Variants in NDE1 observed in about 807,000 individuals in gnomAD.
The protein encoded by NDE1 is nudE neurodevelopment protein 1, also known as nuclear distribution protein nudE homolog 1.
A neutral mutation model predicts 43.4 loss-of-function variants in NDE1; 28 were observed. That is an observed-to-expected ratio of 0.65 (90% confidence interval 0.48 to 0.89). NDE1 has a LOEUF of 0.89. Among genes scored for constraint, NDE1 ranks in the 40% least tolerant of loss-of-function variants. NDE1 has a pLI of 0.00. For synonymous variants in NDE1, 184 were observed against 172.0 expected (o/e 1.07, Z -0.55); for missense variants, 441 against 434.1 (o/e 1.02, Z -0.14).
At chr16:15,715,303 A>G (rs373383930) in intron 8 of NDE1, 14 of 1,611,176 alleles carry the variant, frequency 8.7e-6, no homozygotes, top group East Asian at 2.2e-5. Context: ...AGGTGGTTTC[A>G]GCGGAGGGTG....
chr16:15,682,201 TTATG>T (rs2038217622), intron 4 of NDE1, among the ~76,000 whole-genome samples: 1 of 152,162 alleles, frequency 6.6e-6, no homozygotes, highest in African/African-American at 2.4e-5. Context: ...TTTTATGTAT[TTATG>T]TTTTGAGACA....
At chr16:15,708,743 T>TG in intron 8 of NDE1, 1 of 1,556,904 alleles carries the variant, frequency 6.4e-7, no homozygotes, top group Admixed American at 1.9e-5. Context: ...AGGGGCGCAT[T>TG]GGGCAGAAAA....
intron 5 of NDE1, among the ~76,000 whole-genome samples, chr16:15,690,348 T>C (rs1567652158): frequency 2.7e-5 from 3 of 109,596 alleles, no homozygotes; most frequent in African/African-American, 4.6e-5. Flanking sequence ...TTTTTTTTTT[T>C]TTTTCTTTTT....
At chr16:15,694,520 A>AT (rs2038918427) in intron 7 of NDE1, 8 of 784,728 alleles carry the variant, frequency 1.0e-5, no homozygotes, top group Non-Finnish European at 1.2e-5. Context: ...TGATACTTTC[A>AT]TTTTTTTGTA....
At chr16:15,695,568 A>G in intron 7 of NDE1, 6 of 984,986 alleles carry the variant, frequency 6.1e-6, no homozygotes, top group Non-Finnish European at 6.0e-6. Context: ...TGTTAATTAC[A>G]GGGAGGGATC....
rs5815842 is a variant in NDE1 at position 15,703,925 on chromosome 16, GTTTTT to G, written c.947+7069_947+7073del. On this transcript the variant is annotated intron_variant, in intron 8 of 8. Coordinates refer to ENST00000396354, the MANE Select transcript of NDE1 (RefSeq NM_017668.3). ...TTGCTTTGTTCTGGGTTGTTGTTGG[GTTTTT>G]TTTGTTTGTTTGTTTTGGTTTTTGG... is the stretch of plus-strand genomic sequence containing the variant. 0.012 allele frequency: 18,969 copies of G among 1,606,394 alleles called. 171 individuals carry two copies. The highest frequency in any genetic ancestry group is 0.013 in the Non-Finnish European group (15,678 of 1,174,276).
At chr16:15,649,971 G>T (rs540712615), upstream of NDE1, among the ~76,000 whole-genome samples, 2 of 152,232 alleles carry the variant, frequency 1.3e-5, no homozygotes, top group African/African-American at 4.8e-5. Flanking sequence ...CGTTTCCCGG[G>T]TGTCCAGGCA....
intron 4 of NDE1, among the ~76,000 whole-genome samples, chr16:15,679,652 T>C (rs1192640435): frequency 6.6e-6 from 1 of 152,224 alleles, no homozygotes; most frequent in African/African-American, 2.4e-5. Context: ...GAGGTCCTTT[T>C]GTGCAGTTTT....
In NDE1 at chr16:15,710,183, A is replaced by G. The variant is rs564788219; in HGVS notation, c.947+13323A>G. On this transcript the variant is annotated intron_variant, in intron 8 of 8. Transcript: ENST00000396354. Reference sequence around the variant, plus strand: ...GCCCTTGGCTGCCCAAGAAGGCTCAAGTGTCTGGGGCAGAACCCACAGGAG... The same window carrying G: ...GCCCTTGGCTGCCCAAGAAGGCTCAGGTGTCTGGGGCAGAACCCACAGGAG... Among the ~76,000 whole-genome samples the G allele has an allele frequency of 7.9e-5, 12 of 152,284 alleles. No individual in the cohort carries two copies. The South Asian group carries it at 2.5e-3, about 32-fold the overall frequency.
intron 8 of NDE1, among the ~76,000 whole-genome samples, chr16:15,698,437 A>G (rs2039106038): frequency 6.6e-6 from 1 of 152,208 alleles, no homozygotes; most frequent in African/African-American, 2.4e-5. Context: ...GGAATTCTGC[A>G]AGGTGTGTGA....
At chr16:15,665,103 G>A (rs1269957636) in intron 2 of NDE1, among the ~76,000 whole-genome samples, 2 of 151,658 alleles carry the variant, frequency 1.3e-5, no homozygotes, top group African/African-American at 4.8e-5. Context: ...ATGTTGCCCA[G>A]GCTGGTCTTG....
chr16:15,715,923 C>G (rs535523828), intron 8 of NDE1, among the ~76,000 whole-genome samples: 8 of 151,578 alleles, frequency 5.3e-5, no homozygotes, highest in African/African-American at 1.2e-4. Flanking sequence ...GTCAGGAGTT[C>G]GAGACCAGCC....
At chr16:15,679,903 G>C (rs559535529) in intron 4 of NDE1, among the ~76,000 whole-genome samples, 2 of 152,112 alleles carry the variant, frequency 1.3e-5, no homozygotes, top group Admixed American at 1.3e-4. Context: ...CTCAACCTCC[G>C]GAGTAGCTGG....
chr16:15,658,453 A>G (rs1163208174), intron 1 of NDE1, among the ~76,000 whole-genome samples: 2 of 152,206 alleles, frequency 1.3e-5, no homozygotes, highest in Non-Finnish European at 2.9e-5. Flanking sequence ...AGGCCCACCC[A>G]TGAGCTGATC....
intron 8 of NDE1, chr16:15,721,008 A>G (rs981501148): frequency 6.2e-7 from 1 of 1,613,792 alleles, no homozygotes; most frequent in Non-Finnish European, 8.5e-7. Flanking sequence ...CATCTCCTCC[A>G]TCTGGGTCTC....
At chr16:15,674,214 TCCTC>T (rs1434434777) in intron 3 of NDE1, among the ~76,000 whole-genome samples, 2 of 152,094 alleles carry the variant, frequency 1.3e-5, no homozygotes, top group Non-Finnish European at 2.9e-5. Flanking sequence ...CCCTTTCCCT[TCCTC>T]CATCTTCTCC....
At chr16:15,677,751 C>T (rs756220161) in intron 3 of NDE1, 50 bp from the exon 4 acceptor site, 2 of 1,608,310 alleles carry the variant, frequency 1.2e-6, no homozygotes, top group Non-Finnish European at 1.7e-6. Context: ...CTGTGTCTAG[C>T]CTTCTCAGAA....
In NDE1 at chr16:15,684,246, A is replaced by C. The variant is rs112498388; in HGVS notation, c.387-3129A>C. The C allele has an allele frequency of 9.0e-3, 1,368 of 151,956 alleles. 15 individuals carry two copies. Among genetic ancestry groups the C allele is most frequent in the Non-Finnish European group, 0.015 (996 of 68,004 alleles). The allele number at this position is 151,956 out of a possible 1,614,324, so 9.4% of individuals were successfully genotyped here. On this transcript the variant is annotated intron_variant, in intron 4 of 8. Coordinates refer to ENST00000396354, the MANE Select transcript of NDE1 (RefSeq NM_017668.3). ...ACTTCATCTCAAAAAAGAAAAAAAA[A>C]GGTGAAAGGATGACTTAAACCCAGG...
chr16:15,708,223 A>G (rs2039571806), intron 8 of NDE1, among the ~76,000 whole-genome samples: 1 of 152,168 alleles, frequency 6.6e-6, no homozygotes, highest in Admixed American at 6.6e-5. Context: ...TTTGTCAGAC[A>G]TCGCAGTGAG....
Sources: gnomAD v4.1 joint callset for allele counts (sites outside exome capture counted in the v4.1 genomes callset) on GRCh38, gnomAD v4.1.1 for gene constraint, MANE v1.5 for transcripts, NCBI Gene and HGNC (gene_info 2026-07-23, HGNC 2026-07-21) for gene names.